Variants in CLSPN observed in about 807,000 individuals in gnomAD.
CLSPN encodes the protein claspin.
Under a neutral mutation model 156.3 loss-of-function variants are expected in CLSPN, and 85 were observed. The ratio of observed to expected loss-of-function variants is 0.54; its 90% CI spans 0.46 to 0.65. The LOEUF (loss-of-function observed/expected upper bound fraction) is 0.65, where lower values mean the gene tolerates loss of function less well. Ranked by LOEUF, CLSPN falls within the 30% of genes least tolerant of loss-of-function variation. The pLI, the probability that CLSPN is intolerant of heterozygous loss-of-function variation, is 0.00. For synonymous variants in CLSPN, 534 were observed against 542.4 expected, an observed-to-expected ratio of 0.98 and a Z score of 0.22; for missense variants, 1,407 against 1,554.9, an observed-to-expected ratio of 0.90 and a Z score of 1.60.
intron 18 of CLSPN, 45 bp from the exon 19 acceptor site, chr1:35,739,574 C>T (rs766200037): frequency 4.5e-5 from 65 of 1,460,510 alleles, no homozygotes; most frequent in Non-Finnish European, 6.1e-5. Flanking sequence ...AATGAATATA[C>T]TCACAGAATA....
At chr1:35,766,570 G>A (rs1397374954) in intron 1 of CLSPN, among the ~76,000 whole-genome samples, 3 of 151,552 alleles carry the variant, frequency 2.0e-5, no homozygotes, top group African/African-American at 7.3e-5. Flanking sequence ...TCAGCCTCCC[G>A]AGTAGCTGGG....
intron 1 of CLSPN, among the ~76,000 whole-genome samples, chr1:35,769,626 C>T (rs1380541393): frequency 6.6e-6 from 1 of 152,210 alleles, no homozygotes; most frequent in Non-Finnish European, 1.5e-5. Context: ...AGCTCTCCGG[C>T]CACGGAGCCC....
chr1:35,764,689 A>T lies in CLSPN; in HGVS notation c.159T>A (p.Ser53Arg). Residue 53 changes from serine (S) to arginine (R), a missense_variant, in exon 3 of 25, where the codon AGT (serine) becomes AGA (arginine). Physicochemically the swap from Ser to Arg is moderately radical, Grantham distance 110. Coordinates refer to ENST00000318121, the MANE Select transcript of CLSPN (RefSeq NM_022111.4). ...EGDSDEEIFV[S>R]KKLKNRKVLQ... is the part of the protein sequence containing the mutation. ...GAACCTTCCTGTTTTTCAACTTCTT[A>T]CTTACAAATATCTCTTCATCTGAAT... 6.3e-7 allele frequency: 1 copy of T among 1,579,914 alleles called. No homozygotes were observed. The highest frequency in any genetic ancestry group is 8.5e-7 in the Non-Finnish European group (1 of 1,169,614).
downstream of CLSPN, among the ~76,000 whole-genome samples, chr1:35,728,978 A>G (rs1641255591): frequency 8.3e-6 from 1 of 119,880 alleles, no homozygotes; most frequent in Non-Finnish European, 1.8e-5. Context: ...ACACACACAC[A>G]CACGCCTTTC....
chr1:35,722,012 G>A (rs1205832742), intron 24 of CLSPN, among the ~76,000 whole-genome samples: 6 of 151,532 alleles, frequency 4.0e-5, no homozygotes, highest in South Asian at 2.1e-4. Flanking sequence ...GGTGGTGCGC[G>A]TCTGTAATCC....
At position 35,764,557 on chromosome 1, in the gene CLSPN, AT is replaced by A. The variant is rs1180130285; in HGVS notation, c.290del (p.Asn97IlefsTer32). The A allele has an allele frequency of 1.2e-6, 2 of 1,613,690 alleles. No individual in the cohort carries two copies. Among genetic ancestry groups the A allele is most frequent in the South Asian group, 1.1e-5 (1 of 91,060 alleles). On this transcript the variant is annotated frameshift_variant, in exon 3 of 25. Transcript: ENST00000318121. LOFTEE classifies it high-confidence loss of function. ...ENKENLYAGK[N>X]TKIKRIYKTV... The stretch of plus-strand genomic sequence containing the variant: ...TTTTGTAAATCCTTTTGATTTTTGT[AT>A]TTTTCCCAGCATATAAATTCTCTTT...
chr1:35,759,680 A>AACTAAAT (rs1487721946), intron 8 of CLSPN, among the ~76,000 whole-genome samples: 1 of 152,218 alleles, frequency 6.6e-6, no homozygotes, highest in African/African-American at 2.4e-5. Flanking sequence ...AGCAGTAAAA[A>AACTAAAT]ACTAAATGAT....
chr1:35,764,261 T>C lies in CLSPN; in HGVS notation c.582+5A>G. 5 of 1,537,142 alleles carry C rather than the reference T, an allele frequency of 3.3e-6. No homozygotes were observed. Among genetic ancestry groups the C allele is most frequent in the Non-Finnish European group, 4.4e-6 (5 of 1,142,228 alleles). On this transcript the variant is annotated splice_donor_5th_base_variant and intron_variant, in intron 3 of 24. Coordinates refer to ENST00000318121, the MANE Select transcript of CLSPN (RefSeq NM_022111.4). ...AGCAATAGCAAATTATTCTTTAAAA[T>C]GTACCTGGTTTTTTGTTTCCTTCTT...
rs1416527860 is a variant in CLSPN at position 35,765,329 on chromosome 1, AG to A, written c.25-4del. 1.9e-6 allele frequency: 3 copies of A among 1,598,772 alleles called. No homozygotes were observed. The African/African-American group carries it at 4.0e-5, about 21-fold the overall frequency. ...GGGTCATTGATTTCTAGGTGAACCT[AG>A]AAAATGACAATATACTTTATATCAA... is the stretch of plus-strand genomic sequence containing the variant. On this transcript the variant is annotated splice_polypyrimidine_tract_variant and splice_region_variant and intron_variant, in intron 1 of 24. Transcript: ENST00000318121.
Position 35,751,499 on chromosome 1 carries a change from C to T in CLSPN, c.1779G>A (p.Lys593=), listed in dbSNP as rs200652216. ...GCAGTTTAGCTTTTAACACCTGAAG[C>T]TTTTCACCTGAACAGAAATATGTAG... ...DGASHTKPGE[K]LQVLKAKLQE... Residue 593 remains lysine, a synonymous_variant, in exon 10 of 25, where the codon AAG becomes AAA. Coordinates refer to ENST00000318121, the MANE Select transcript of CLSPN (RefSeq NM_022111.4). 1.2e-6 allele frequency: 2 copies of T among 1,612,722 alleles called. No individual in the cohort carries two copies. The highest frequency in any genetic ancestry group is 1.7e-6 in the Non-Finnish European group (2 of 1,179,686).
chr1:35,761,241 G>A lies in CLSPN; in HGVS notation c.896-37C>T, dbSNP rs559510168. 199 of 1,213,400 alleles carry A rather than the reference G, an allele frequency of 1.6e-4. No homozygotes were observed. The South Asian group carries it at 2.5e-3, about 15-fold the overall frequency. The allele number at this position is 1,213,400 out of a possible 1,614,324, so 75.2% of individuals were successfully genotyped here. On this transcript the variant is annotated intron_variant, in intron 6 of 24. Transcript: ENST00000318121. Reference sequence around the variant, plus strand: ...AATAAAACAAGCAAATATATATACTGTATATTCTGAAATGTCACTTCATAT... The same window carrying A: ...AATAAAACAAGCAAATATATATACTATATATTCTGAAATGTCACTTCATAT...
At chr1:35,768,578 A>C (rs61776921) in intron 1 of CLSPN, among the ~76,000 whole-genome samples, 1 of 143,768 alleles carries the variant, frequency 7.0e-6, no homozygotes, top group Admixed American at 7.3e-5. Context: ...ACGCCCGGCT[A>C]ATTTTTTTTT....
chr1:35,755,857 T>G (rs371085153), intron 8 of CLSPN, among the ~76,000 whole-genome samples: 3 of 152,138 alleles, frequency 2.0e-5, no homozygotes, highest in Non-Finnish European at 4.4e-5. Flanking sequence ...TACAGGTGCA[T>G]GTCACCACAT....
downstream of CLSPN, among the ~76,000 whole-genome samples, chr1:35,730,156 A>G (rs1384310900): frequency 6.6e-6 from 1 of 152,224 alleles, no homozygotes; most frequent in Non-Finnish European, 1.5e-5. Context: ...AACAAAACGG[A>G]TATGCTCTGT....
At chr1:35,750,422 G>C (rs1642042863) in intron 10 of CLSPN, among the ~76,000 whole-genome samples, 1 of 147,072 alleles carries the variant, frequency 6.8e-6, no homozygotes, top group Non-Finnish European at 1.5e-5. Context: ...CTTTTTTTGA[G>C]ATGCAGTCTT....
Position 35,753,845 on chromosome 1 carries a change from C to A in CLSPN, c.1671G>T (p.Val557=). ...CCTTTCCATCAGTGCCCATGTCTTT[C>A]ACTATGACGTTCACATTCACTGTCT... The part of the protein sequence containing the change: ...AGQTVNVNVI[V]KDMGTDGKEE... Residue 557 remains valine, a synonymous_variant, in exon 9 of 25, where the codon GTG becomes GTT. Transcript: ENST00000318121. 1 of 1,614,188 alleles carries A rather than the reference C, an allele frequency of 6.2e-7. No individual in the cohort carries two copies. Among genetic ancestry groups the A allele is most frequent in the Non-Finnish European group, 8.5e-7 (1 of 1,180,036 alleles).
At chr1:35,743,882 A>G (rs562757857) in intron 16 of CLSPN, among the ~76,000 whole-genome samples, 1 of 152,328 alleles carries the variant, frequency 6.6e-6, no homozygotes, top group Non-Finnish European at 1.5e-5. Context: ...TTGGGCTCCC[A>G]AAGTACTGGG....
Position 35,745,459 on chromosome 1 carries a change from G to T in CLSPN, c.2958C>A (p.Pro986=). Residue 986 remains proline (P), a synonymous_variant, in exon 16 of 25, where the codon CCC becomes CCA. Coordinates refer to ENST00000318121, the MANE Select transcript of CLSPN (RefSeq NM_022111.4). ...AGCAATCTGAGACTTACTTGTCTGT[G>T]GGAAAAGAGCCTGAGCAAAGAGCAA... ...EALALCSGSF[P]TDKEEEDEEE... is the part of the protein sequence containing the mutation. 6.2e-7 allele frequency: 1 copy of T among 1,610,728 alleles called. No individual in the cohort carries two copies. Among genetic ancestry groups the T allele is most frequent in the South Asian group, 1.1e-5 (1 of 91,004 alleles).
intron 4 of CLSPN, among the ~76,000 whole-genome samples, 194 bp from the exon 5 acceptor site, chr1:35,762,675 T>C (rs768627460): frequency 2.0e-5 from 3 of 152,136 alleles, no homozygotes; most frequent in Non-Finnish European, 4.4e-5. Context: ...GTCTGGACCC[T>C]TATTTCTTTT....
Sources: gnomAD v4.1 joint callset for allele counts (sites outside exome capture counted in the v4.1 genomes callset) on GRCh38, gnomAD v4.1.1 for gene constraint, MANE v1.5 for transcripts, NCBI Gene and HGNC (gene_info 2026-07-23, HGNC 2026-07-21) for gene names.